The following GATM variants were observed in gnomAD, a reference collection of about 807,000 sequenced individuals.
The protein encoded by GATM is glycine amidinotransferase, mitochondrial.
Under a neutral mutation model 54.2 loss-of-function variants are expected in GATM, and 23 were observed. That is an observed-to-expected ratio of 0.42 (90% CI 0.31 to 0.60). The LOEUF (loss-of-function observed/expected upper bound fraction) is 0.60, where lower values mean the gene tolerates loss of function less well. Among genes scored for constraint, GATM ranks in the 20% least tolerant of loss-of-function variants. The probability of loss-of-function intolerance (pLI) is 0.14; values close to 1 mark genes in which losing one functional copy is unlikely to be tolerated. For missense variants in GATM, 401 were observed against 544.9 expected, an observed-to-expected ratio of 0.74 and a Z score of 2.63; for synonymous variants, 168 against 183.1, an observed-to-expected ratio of 0.92 and a Z score of 0.67.
chr15:45,393,989 T>C (rs1219279147), intron 3 of GATM, among the ~76,000 whole-genome samples: 1 of 152,208 alleles, frequency 6.6e-6, no homozygotes, highest in Non-Finnish European at 1.5e-5. Context: ...TGCTAGCCCC[T>C]GCTGGAAGAA....
chr15:45,364,858 A>C lies in GATM; in HGVS notation c.981T>G (p.Ile327Met). The C allele has an allele frequency of 6.2e-7, 1 of 1,613,870 alleles. No individual in the cohort carries two copies. Residue 327 changes from isoleucine (I) to methionine (M), a missense_variant and splice_region_variant, in exon 7 of 9, where the codon ATT becomes ATG. Ile to Met is a conservative substitution (Grantham distance 10). This residue lies in a region of GATM where 321 missense variants were observed against 457.5 expected (regional missense o/e 0.70). Transcript: ENST00000396659. ...LSNPDRPCHQ[I>M]DLFKKAGWTI... is the part of the protein sequence containing the mutation. ...TCCATCCTGCTTTCTTGAAAAGATCAATCTGTAAGACCAAAAAAAACCCCC... is the reference window on the plus strand; with the variant it reads ...TCCATCCTGCTTTCTTGAAAAGATCCATCTGTAAGACCAAAAAAAACCCCC...
upstream of GATM, chr15:45,379,076 C>A (rs1889697692): frequency 6.6e-6 from 1 of 152,112 alleles, no homozygotes; most frequent in African/African-American, 2.4e-5. Context: ...CTTCCAGTAC[C>A]CCGTCGGTTG....
rs772176330 is a variant in GATM, at chr15:45,385,054, G to C, written c.-318-8235C>G. Among the ~76,000 whole-genome samples, 5 of 152,270 alleles carry C rather than the reference G, an allele frequency of 3.3e-5. No individual in the cohort carries two copies. The South Asian group carries it at 1.0e-3, about 32-fold the overall frequency. On this transcript the variant is annotated intron_variant, in intron 3 of 4. Coordinates refer to the GATM transcript ENST00000561148. ...ACTGGTTGTGCTAGTCAGACAGTGC[G>C]TATCTAGACAGTGCCCAAAAGTGAG...
chr15:45,375,905 G>A (rs914740842), intron 2 of GATM, among the ~76,000 whole-genome samples: 20 of 152,210 alleles, frequency 1.3e-4, no homozygotes, highest in Non-Finnish European at 4.4e-5. Flanking sequence ...AGAAGAGTGA[G>A]TAGGAGTGAC....
chr15:45,379,212 T>C (rs1490908144), upstream of GATM: 2 of 152,218 alleles, frequency 1.3e-5, no homozygotes, highest in Non-Finnish European at 2.9e-5. Context: ...TTCCTTCCAT[T>C]TCATGTTTTA....
At position 45,368,024 on chromosome 15, in the gene GATM, C is replaced by A. The variant is rs372760205; in HGVS notation, c.675+46G>T. Reference sequence around the variant, plus strand: ...AATCTCTATCTTACTCTTTGTGGATCATTTAGAAAAGTTAGTAATAAGCTA... The same window carrying A: ...AATCTCTATCTTACTCTTTGTGGATAATTTAGAAAAGTTAGTAATAAGCTA... On this transcript the variant is annotated intron_variant, in intron 4 of 8. Transcript: ENST00000396659. The surrounding 1 kb of genome is among the most constrained non-coding windows in gnomAD (Gnocchi z 5.1). 1.2e-5 allele frequency: 19 copies of A among 1,534,854 alleles called. No individual in the cohort carries two copies. Among genetic ancestry groups the A allele is most frequent in the Admixed American group, 6.7e-5 (4 of 59,352 alleles).
Position 45,378,454 on chromosome 15 carries a change from C to T in GATM, c.-1G>A, listed in dbSNP as rs778453861. The T allele has an allele frequency of 3.1e-4, 447 of 1,463,136 alleles. 1 individual carries two copies. The highest frequency in any genetic ancestry group is 3.9e-4 in the Non-Finnish European group (438 of 1,113,764). The allele number at this position is 1,463,136 out of a possible 1,614,324, so 90.6% of individuals were successfully genotyped here. On this transcript the variant is annotated 5_prime_UTR_variant, in exon 1 of 9. Coordinates refer to ENST00000396659, the MANE Select transcript of GATM (RefSeq NM_001482.3). ...CGCGCAGACACCGCACCCGCAGCATCGCCCTGGCCCGGCTGGTCCACGCGC... is the reference window on the plus strand; with the variant it reads ...CGCGCAGACACCGCACCCGCAGCATTGCCCTGGCCCGGCTGGTCCACGCGC...
chr15:45,377,398 A>G (rs1227872657), intron 1 of GATM: 1 of 389,840 alleles, frequency 2.6e-6, no homozygotes, highest in Non-Finnish European at 4.9e-6. Flanking sequence ...TGGCACTTCA[A>G]TTCTGAGAGT....
At chr15:45,370,362 C>T (rs950875782) in intron 2 of GATM, among the ~76,000 whole-genome samples, 1 of 140,402 alleles carries the variant, frequency 7.1e-6, no homozygotes, top group East Asian at 2.0e-4. Context: ...GGTGACAAAG[C>T]GAGACTCTGT....
At chr15:45,363,729 CGTGTGTT>C in intron 8 of GATM, 164 bp downstream of exon 8, 2 of 629,632 alleles carry the variant, frequency 3.2e-6, no homozygotes, top group Middle Eastern at 8.4e-4. Flanking sequence ...GTTGGGGCTA[CGTGTGTT>C]GAAAATAAAA....
At chr15:45,376,491 A>G in intron 2 of GATM, 110 bp downstream of exon 2, 1 of 881,190 alleles carries the variant, frequency 1.1e-6, no homozygotes, top group East Asian at 2.4e-5. Context: ...AGATAACTTA[A>G]TCACTGGATT....
In GATM at chr15:45,368,444, C is replaced by A. The variant is rs1445039317; in HGVS notation, c.485-184G>T. Reference sequence around the variant, plus strand: ...CCAACATGGTCAAGCCCCATCTCTACTAAAAGAATACGAAAACAATTAGCC... The same window carrying A: ...CCAACATGGTCAAGCCCCATCTCTAATAAAAGAATACGAAAACAATTAGCC... On this transcript the variant is annotated intron_variant, in intron 3 of 8. Coordinates refer to ENST00000396659, the MANE Select transcript of GATM (RefSeq NM_001482.3). This position sits in a 1 kb window ranked among gnomAD's most constrained non-coding sequence, Gnocchi z 5.1. 5.9e-5 allele frequency among the ~76,000 whole-genome samples: 9 copies of A among 152,034 alleles called. No homozygotes were observed. The highest frequency in any genetic ancestry group is 1.5e-5 in the Non-Finnish European group (1 of 68,012).
At chr15:45,386,266 T>C (rs1383055661) in intron 3 of GATM, among the ~76,000 whole-genome samples, 1 of 152,242 alleles carries the variant, frequency 6.6e-6, no homozygotes, top group African/African-American at 2.4e-5. Context: ...AAAATTTAAA[T>C]AGTGACAATC....
intron 2 of GATM, 44 bp from the exon 3 acceptor site, chr15:45,369,565 T>C (rs775720355): frequency 7.6e-5 from 118 of 1,554,238 alleles, no homozygotes; most frequent in Non-Finnish European, 1.0e-4. Context: ...AGGAGAAAAA[T>C]ACAGCTCATG....
Position 45,369,444 on chromosome 15 carries a change from C to G in GATM, c.366G>C (p.Lys122Asn). ...GHYFPKDHLKKAVAEIEEMCN... is the reference protein window; with the variant it reads ...GHYFPKDHLKNAVAEIEEMCN... Reference sequence around the variant, plus strand: ...ACATTTCTTCAATTTCAGCAACAGCCTTTTTCAAATGATCTTTGGGAAAAT... The same window carrying G: ...ACATTTCTTCAATTTCAGCAACAGCGTTTTTCAAATGATCTTTGGGAAAAT... The change falls in exon 3 of 9, where the codon AAG becomes AAC. Residue 122 changes from lysine (K) to asparagine (N), a missense_variant. Around this residue, in one of 3 missense-constraint regions of GATM, gnomAD observed 321 missense variants for 457.5 expected, o/e 0.70. Coordinates refer to ENST00000396659, the MANE Select transcript of GATM (RefSeq NM_001482.3). 3 of 1,614,078 alleles carry G rather than the reference C, an allele frequency of 1.9e-6. No individual in the cohort carries two copies. The highest frequency in any genetic ancestry group is 1.7e-6 in the Non-Finnish European group (2 of 1,179,946).
intron 7 of GATM, 183 bp from the exon 8 acceptor site, chr15:45,364,199 T>C: frequency 3.3e-6 from 2 of 601,506 alleles, no homozygotes; most frequent in Non-Finnish European, 5.9e-6. Flanking sequence ...GTACTCATTA[T>C]ACATTTGAAT....
chr15:45,388,386 C>A (rs994682044), intron 3 of GATM, among the ~76,000 whole-genome samples: 3 of 152,210 alleles, frequency 2.0e-5, no homozygotes, highest in Non-Finnish European at 4.4e-5. Flanking sequence ...GATACATTTG[C>A]TAAAACTAAG....
intron 3 of GATM, 144 bp downstream of exon 3, chr15:45,369,182 C>G: frequency 1.5e-6 from 1 of 671,026 alleles, no homozygotes; most frequent in South Asian, 1.8e-5. Flanking sequence ...ATGGACCAAA[C>G]CATTCCTAAA....
At chr15:45,384,696 T>C (rs1373074195) in intron 3 of GATM, among the ~76,000 whole-genome samples, 1 of 152,076 alleles carries the variant, frequency 6.6e-6, no homozygotes, top group East Asian at 1.9e-4. Flanking sequence ...TTCCCCTAAA[T>C]TGACACTTCC....
Sources: allele counts gnomAD v4.1 joint callset (sites outside exome capture counted in the v4.1 genomes callset), GRCh38; gene constraint gnomAD v4.1.1; regional missense constraint gnomAD v4.1.1; non-coding constraint Gnocchi (gnomAD v3.1); transcripts MANE v1.5; gene names NCBI Gene and HGNC (gene_info 2026-07-23, HGNC 2026-07-21).